The following CADM2 variants were observed in gnomAD, a reference collection of about 807,000 sequenced individuals.
The protein encoded by CADM2 is immunoglobulin superfamily member 4D.
Under a neutral mutation model 49.8 loss-of-function variants are expected in CADM2, and 12 were observed. The ratio of observed to expected loss-of-function variants is 0.24; its 90% CI spans 0.15 to 0.39. The LOEUF (loss-of-function observed/expected upper bound fraction) is 0.39. Ranked by LOEUF, CADM2 falls within the 10% of genes least tolerant of loss-of-function variation. The pLI is 1.00. For synonymous variants in CADM2, 214 were observed against 175.4 expected, an observed-to-expected ratio of 1.22 and a Z score of -1.74; for missense variants, 378 against 492.3, an observed-to-expected ratio of 0.77 and a Z score of 2.20.
intron 1 of CADM2, among the ~76,000 whole-genome samples, chr3:85,208,275 C>A (rs1336057160): frequency 2.0e-5 from 3 of 152,092 alleles, no homozygotes; most frequent in East Asian, 1.9e-4. Flanking sequence ...TGTTATAACA[C>A]CCTTTTATGT....
intron 7 of CADM2, among the ~76,000 whole-genome samples, chr3:85,948,272 T>A (rs73843521): frequency 0.066 from 9,938 of 151,478 alleles, 875 homozygotes; most frequent in African/African-American, 0.2. Flanking sequence ...TATGTATTTT[T>A]AAAAGTTAGT....
intron 1 of CADM2, among the ~76,000 whole-genome samples, chr3:85,535,549 A>G (rs2061406103): frequency 6.6e-6 from 1 of 151,996 alleles, no homozygotes; most frequent in African/African-American, 2.4e-5. Context: ...TTTTGTGGCA[A>G]CTCCTTGTAT....
chr3:85,566,685 G>A (rs757245822), intron 1 of CADM2, among the ~76,000 whole-genome samples: 2 of 152,096 alleles, frequency 1.3e-5, no homozygotes, highest in Non-Finnish European at 2.9e-5. Flanking sequence ...ATTAGAATCC[G>A]AGTGTGTTGA....
chr3:85,041,077 C>T (rs908924607), intron 1 of CADM2, among the ~76,000 whole-genome samples: 1 of 152,058 alleles, frequency 6.6e-6, no homozygotes, highest in African/African-American at 2.4e-5. Context: ...TGTTAAACAC[C>T]GACTTAATTC....
chr3:85,910,049 A>C (rs1049281757), intron 5 of CADM2, among the ~76,000 whole-genome samples: 1 of 152,176 alleles, frequency 6.6e-6, no homozygotes, highest in Non-Finnish European at 1.5e-5. Flanking sequence ...TACTTGAATT[A>C]GTTCATTAAA....
intron 3 of CADM2, among the ~76,000 whole-genome samples, chr3:85,809,705 TTCCTTCC>T (rs2072701159): frequency 8.0e-6 from 1 of 124,882 alleles, no homozygotes; most frequent in African/African-American, 3.3e-5. Context: ...CCTTCCTTCC[TTCCTTCC>T]TTCCTTCGTT....
chr3:85,567,716 G>T, intron 1 of CADM2, among the ~76,000 whole-genome samples: 1 of 152,134 alleles, frequency 6.6e-6, no homozygotes, highest in East Asian at 1.9e-4. Context: ...CACAATTATG[G>T]AGGCTTAAGA....
intron 1 of CADM2, among the ~76,000 whole-genome samples, chr3:85,225,973 C>A (rs2042151415): frequency 6.6e-6 from 1 of 152,212 alleles, no homozygotes; most frequent in Admixed American, 6.5e-5. Flanking sequence ...GGTGGATAAG[C>A]TTTCTGCGGT....
At chr3:85,294,583 A>G (rs1036428579) in intron 1 of CADM2, among the ~76,000 whole-genome samples, 28 of 152,114 alleles carry the variant, frequency 1.8e-4, no homozygotes, top group African/African-American at 5.8e-4. Context: ...TACTGGTACC[A>G]AAACAGAGAT....
chr3:85,795,397 C>T (rs1166567080), intron 2 of CADM2, among the ~76,000 whole-genome samples: 1 of 152,106 alleles, frequency 6.6e-6, no homozygotes, highest in East Asian at 1.9e-4. Flanking sequence ...ATCCCAAGGG[C>T]ATTTAGGATT....
At chr3:85,929,054 G>A (rs797002462) in intron 6 of CADM2, among the ~76,000 whole-genome samples, 4 of 152,152 alleles carry the variant, frequency 2.6e-5, no homozygotes, top group African/African-American at 9.6e-5. Context: ...AGAATAAATA[G>A]CAGTCGTATT....
chr3:85,341,950 G>A (rs1213944827), intron 1 of CADM2, among the ~76,000 whole-genome samples: 2 of 152,062 alleles, frequency 1.3e-5, no homozygotes, highest in East Asian at 3.9e-4. Context: ...GACATTGCAT[G>A]GGCAAAGACT....
At chr3:85,354,696 GA>G (rs1256030045) in intron 1 of CADM2, among the ~76,000 whole-genome samples, 2 of 146,692 alleles carry the variant, frequency 1.4e-5, no homozygotes, top group Non-Finnish European at 3.0e-5. Flanking sequence ...GTCAACTGAA[GA>G]ATGAAGATGT....
intron 3 of CADM2, among the ~76,000 whole-genome samples, chr3:85,873,924 A>G (rs1711501244): frequency 6.6e-6 from 1 of 152,118 alleles, no homozygotes; most frequent in African/African-American, 2.4e-5. Context: ...GGGGAAACTG[A>G]GGGAAGGAAG....
At chr3:86,001,889 T>A (rs1423891922) in intron 8 of CADM2, among the ~76,000 whole-genome samples, 1 of 152,130 alleles carries the variant, frequency 6.6e-6, no homozygotes, top group Non-Finnish European at 1.5e-5. Context: ...GATGTATAGA[T>A]GTCTCTTTCA....
intron 1 of CADM2, among the ~76,000 whole-genome samples, chr3:85,275,260 C>T (rs72919233): frequency 0.011 from 1,715 of 151,606 alleles, 30 homozygotes; most frequent in African/African-American, 0.039. Context: ...GGATTTTGCA[C>T]ACTTAAAAAT....
chr3:85,481,613 G>A (rs1262418038), intron 1 of CADM2, among the ~76,000 whole-genome samples: 1 of 151,582 alleles, frequency 6.6e-6, no homozygotes, highest in Non-Finnish European at 1.5e-5. Flanking sequence ...TGAGGGGTTG[G>A]GGGTGAGGAG....
chr3:85,813,984 C>G (rs1017950268), intron 3 of CADM2, among the ~76,000 whole-genome samples: 1 of 152,090 alleles, frequency 6.6e-6, no homozygotes, highest in Non-Finnish European at 1.5e-5. Context: ...ATGCCTCCAG[C>G]TTTGTTCTTG....
intron 1 of CADM2, among the ~76,000 whole-genome samples, chr3:85,400,088 T>C (rs2035020823): frequency 6.6e-6 from 1 of 152,182 alleles, no homozygotes; most frequent in African/African-American, 2.4e-5. Context: ...TGTGGGCTCG[T>C]CATAGGTAGC....
Sources: allele counts gnomAD v4.1 joint callset (sites outside exome capture counted in the v4.1 genomes callset), GRCh38; gene constraint gnomAD v4.1.1; transcripts MANE v1.5; gene names NCBI Gene and HGNC (gene_info 2026-07-23, HGNC 2026-07-21).